DPP6: variants seen among roughly 807,000 people sequenced by gnomAD.
DPP6 encodes A-type potassium channel modulatory protein DPP6.
A neutral mutation model predicts 122.6 loss-of-function variants in DPP6; 69 were observed. That is an observed-to-expected ratio of 0.56 (90% CI 0.46 to 0.69). DPP6 has a LOEUF of 0.69. Ranked by LOEUF, DPP6 falls within the 30% of genes least tolerant of loss-of-function variation. DPP6 has a pLI of 0.00. For missense variants in DPP6, 928 were observed against 1,116.9 expected (o/e 0.83, Z 2.41); for synonymous variants, 418 against 433.1 (o/e 0.97, Z 0.43).
intron 5 of DPP6, among the ~76,000 whole-genome samples, chr7:154,580,174 CAT>C (rs140879642): frequency 0.1 from 15,292 of 149,036 alleles, 924 homozygotes; most frequent in Middle Eastern, 0.17. Flanking sequence ...CACACACACA[CAT>C]GCACACATAC....
chr7:154,240,747 C>T (rs10274720), intron 1 of DPP6, among the ~76,000 whole-genome samples: 7,889 of 152,170 alleles, frequency 0.052, 667 homozygotes, highest in African/African-American at 0.18. Flanking sequence ...GGGGATTCAC[C>T]TCATTTCCTC....
chr7:154,317,881 A>G (rs1305390423), intron 1 of DPP6, among the ~76,000 whole-genome samples: 1 of 152,260 alleles, frequency 6.6e-6, no homozygotes. Flanking sequence ...ACCAAAGAAG[A>G]TCAAGATTGC....
chr7:154,068,254 G>A (rs1247879982), intron 1 of DPP6, among the ~76,000 whole-genome samples: 1 of 150,708 alleles, frequency 6.6e-6, no homozygotes, highest in African/African-American at 2.4e-5. Flanking sequence ...TGTATTTTGA[G>A]GTTATTATTC....
intron 8 of DPP6, 125 bp from the exon 9 acceptor site, chr7:154,769,292 T>C (rs915240949): frequency 2.3e-5 from 29 of 1,234,438 alleles, no homozygotes; most frequent in Non-Finnish European, 3.2e-5. Flanking sequence ...TCCTCAAAGG[T>C]TGTAGCAGAT....
intron 17 of DPP6, among the ~76,000 whole-genome samples, chr7:154,855,528 T>G (rs1212087209): frequency 6.6e-6 from 1 of 152,148 alleles, no homozygotes; most frequent in Non-Finnish European, 1.5e-5. Flanking sequence ...ATCTGGGCCA[T>G]TTGAGCAATG....
intron 1 of DPP6, among the ~76,000 whole-genome samples, chr7:154,308,285 G>C (rs1182816478): frequency 6.7e-6 from 1 of 148,670 alleles, no homozygotes; most frequent in Non-Finnish European, 1.5e-5. Context: ...ATTAGTTAGA[G>C]ATTGTTGTTT....
intron 1 of DPP6, among the ~76,000 whole-genome samples, chr7:154,318,582 C>A (rs1319394631): frequency 6.6e-6 from 1 of 152,222 alleles, no homozygotes; most frequent in African/African-American, 2.4e-5. Flanking sequence ...TTGACTGATA[C>A]TTGTTGAGCA....
intron 1 of DPP6, among the ~76,000 whole-genome samples, chr7:154,320,921 T>C (rs997767869): frequency 6.6e-6 from 1 of 152,222 alleles, no homozygotes; most frequent in Non-Finnish European, 1.5e-5. Context: ...TATATAAATA[T>C]GTACTGAGCA....
chr7:154,475,419 C>G (rs1822645232), intron 3 of DPP6: 1 of 288,612 alleles, frequency 3.5e-6, no homozygotes, highest in African/African-American at 2.2e-5. Flanking sequence ...CTTCATTCCC[C>G]TTTGTTCTCT....
chr7:154,037,398 T>TAGC (rs1229603441), intron 1 of DPP6, among the ~76,000 whole-genome samples: 1 of 151,638 alleles, frequency 6.6e-6, no homozygotes, highest in Non-Finnish European at 1.5e-5. Context: ...CAGTCACATG[T>TAGC]ATTTTTCAGG....
chr7:154,123,205 A>G (rs1807625611), intron 1 of DPP6, among the ~76,000 whole-genome samples: 1 of 152,204 alleles, frequency 6.6e-6, no homozygotes. Context: ...GACCAATATC[A>G]ATTAATTACA....
intron 1 of DPP6, among the ~76,000 whole-genome samples, chr7:153,962,570 C>G (rs529333495): frequency 6.6e-6 from 1 of 152,250 alleles, no homozygotes; most frequent in African/African-American, 2.4e-5. Context: ...CAGCCCCTTA[C>G]GTGAGCTGGG....
chr7:153,778,287 C>T, the DPP6 span, among the ~76,000 whole-genome samples: 7 of 151,482 alleles, frequency 4.6e-5, no homozygotes, highest in African/African-American at 1.5e-4. Flanking sequence ...TGGTGGTATC[C>T]GTGTGAACTC....
the DPP6 span, among the ~76,000 whole-genome samples, chr7:153,814,637 C>G: frequency 6.6e-6 from 1 of 152,136 alleles, no homozygotes; most frequent in African/African-American, 2.4e-5. Context: ...ATACCAAAGC[C>G]GGGCAGAGAC....
At chr7:153,814,722 A>G in the DPP6 span, among the ~76,000 whole-genome samples, 5 of 152,228 alleles carry the variant, frequency 3.3e-5, no homozygotes, top group African/African-American at 1.2e-4. Context: ...AAATACTGGC[A>G]AAACGAATCC....
the DPP6 span, among the ~76,000 whole-genome samples, chr7:153,861,270 G>A: frequency 6.6e-6 from 1 of 152,304 alleles, no homozygotes; most frequent in South Asian, 2.1e-4. Flanking sequence ...AGAGTCTGCT[G>A]TTAAAATATT....
the DPP6 span, among the ~76,000 whole-genome samples, chr7:153,804,935 G>A: frequency 3.2e-4 from 49 of 152,186 alleles, no homozygotes; most frequent in Admixed American, 2.8e-3. Flanking sequence ...CACTGTTAAT[G>A]ACATCAATCC....
intron 1 of DPP6, among the ~76,000 whole-genome samples, chr7:154,082,030 G>C (rs1804050842): frequency 2.0e-5 from 3 of 152,158 alleles, no homozygotes; most frequent in South Asian, 4.2e-4. Flanking sequence ...GCCTTGGACT[G>C]TGTGGTCTGC....
chr7:154,547,594 G>A (rs187189762), intron 4 of DPP6, among the ~76,000 whole-genome samples: 112 of 152,252 alleles, frequency 7.4e-4, no homozygotes, highest in African/African-American at 2.6e-3. Flanking sequence ...CAAAAGGGTG[G>A]CATAAGAACT....
Sources: gnomAD v4.1 joint callset for allele counts (sites outside exome capture counted in the v4.1 genomes callset) on GRCh38, gnomAD v4.1.1 for gene constraint, MANE v1.5 for transcripts, NCBI Gene and HGNC (gene_info 2026-07-23, HGNC 2026-07-21) for gene names.